Variants in CAST observed in about 807,000 individuals in gnomAD.
CAST encodes calpastatin.
Under a neutral mutation model 119.6 loss-of-function variants are expected in CAST, and 76 were observed. That is an observed-to-expected ratio of 0.64 (90% CI 0.53 to 0.77). The LOEUF (loss-of-function observed/expected upper bound fraction) is 0.77, where lower values mean the gene tolerates loss of function less well. Among genes scored for constraint, CAST ranks in the 30% least tolerant of loss-of-function variants. The pLI is 0.00. For missense variants in CAST, 953 were observed against 946.5 expected (o/e 1.01, Z -0.09); for synonymous variants, 319 against 331.6 (o/e 0.96, Z 0.41).
chr5:95,999,432 C>G, the CAST span, among the ~76,000 whole-genome samples: 70 of 152,262 alleles, frequency 4.6e-4, 1 homozygote, highest in South Asian at 0.014. Flanking sequence ...TCACTGCAAC[C>G]TCAAACTCCC....
chr5:96,095,410 G>GAA, the CAST span, among the ~76,000 whole-genome samples: 1 of 146,292 alleles, frequency 6.8e-6, no homozygotes, highest in East Asian at 2.0e-4. Flanking sequence ...GTTTCTATAA[G>GAA]AAAAAAAAAA....
At chr5:96,143,547 A>G in the CAST span, among the ~76,000 whole-genome samples, 2 of 152,250 alleles carry the variant, frequency 1.3e-5, no homozygotes, top group Non-Finnish European at 2.9e-5. Context: ...CCTTGAGGGC[A>G]GGACCCAGGG....
chr5:96,401,456 A>G, the CAST span, among the ~76,000 whole-genome samples: 1 of 152,224 alleles, frequency 6.6e-6, no homozygotes, highest in African/African-American at 2.4e-5. Context: ...GGGAGCTTAT[A>G]CTTTATCTTT....
chr5:96,282,588 T>C, the CAST span, among the ~76,000 whole-genome samples: 1 of 152,228 alleles, frequency 6.6e-6, no homozygotes, highest in Non-Finnish European at 1.5e-5. Context: ...AGGGTTTTTA[T>C]TTTTTATGAC....
the CAST span, among the ~76,000 whole-genome samples, chr5:95,975,262 G>C: frequency 6.6e-6 from 1 of 152,192 alleles, no homozygotes; most frequent in Non-Finnish European, 1.5e-5. Flanking sequence ...AGTAACAAGT[G>C]ATTTTATCTT....
the CAST span, among the ~76,000 whole-genome samples, chr5:96,271,891 G>A: frequency 5.3e-5 from 8 of 152,038 alleles, no homozygotes; most frequent in African/African-American, 1.9e-4. Flanking sequence ...GAATATATAA[G>A]CAGCATAAAC....
At chr5:96,487,118 G>GA in the CAST span, among the ~76,000 whole-genome samples, 6 of 151,478 alleles carry the variant, frequency 4.0e-5, no homozygotes, top group South Asian at 4.1e-4. Flanking sequence ...TGTAGTAGGG[G>GA]TCAGAAAAGA....
chr5:96,235,940 C>T, the CAST span, among the ~76,000 whole-genome samples: 1 of 152,212 alleles, frequency 6.6e-6, no homozygotes, highest in Non-Finnish European at 1.5e-5. Flanking sequence ...TTCCAGATCA[C>T]AAGGTCCCAG....
At chr5:96,024,198 A>G in the CAST span, among the ~76,000 whole-genome samples, 7 of 152,340 alleles carry the variant, frequency 4.6e-5, no homozygotes, top group Admixed American at 3.3e-4. Context: ...TTGTTATTTT[A>G]AAGAAAGAAT....
At chr5:96,305,826 T>C in the CAST span, among the ~76,000 whole-genome samples, 1 of 152,234 alleles carries the variant, frequency 6.6e-6, no homozygotes, top group African/African-American at 2.4e-5. Context: ...GTGGATAAGC[T>C]ATTTGATGTG....
chr5:96,337,770 C>A, the CAST span, among the ~76,000 whole-genome samples: 12 of 152,312 alleles, frequency 7.9e-5, 1 homozygote, highest in African/African-American at 2.9e-4. Flanking sequence ...CATTACAAAT[C>A]TGGACATCTT....
chr5:96,270,125 A>T, the CAST span, among the ~76,000 whole-genome samples: 3 of 152,162 alleles, frequency 2.0e-5, no homozygotes, highest in South Asian at 6.2e-4. Flanking sequence ...CATTAACAGA[A>T]CCTGGAACAA....
At chr5:96,164,486 C>G in the CAST span, among the ~76,000 whole-genome samples, 1 of 152,096 alleles carries the variant, frequency 6.6e-6, no homozygotes, top group Non-Finnish European at 1.5e-5. Flanking sequence ...ATAATGGAAC[C>G]CATAAGGAGT....
the CAST span, among the ~76,000 whole-genome samples, chr5:96,120,426 T>G: frequency 6.6e-6 from 1 of 152,082 alleles, no homozygotes; most frequent in Admixed American, 6.6e-5. Flanking sequence ...CTATCCTGTT[T>G]GCAAGTCTGG....
chr5:96,119,601 T>C, the CAST span, among the ~76,000 whole-genome samples: 96 of 152,304 alleles, frequency 6.3e-4, 1 homozygote, highest in African/African-American at 2.1e-3. Flanking sequence ...TTTTCACATA[T>C]ATATTTTCTG....
At chr5:96,275,010 G>A in the CAST span, among the ~76,000 whole-genome samples, 2 of 152,226 alleles carry the variant, frequency 1.3e-5, no homozygotes, top group Non-Finnish European at 2.9e-5. Flanking sequence ...AGGAAGGGGA[G>A]ATGAGGATCT....
chr5:96,166,683 G>T, the CAST span, among the ~76,000 whole-genome samples: 1 of 152,110 alleles, frequency 6.6e-6, no homozygotes, highest in East Asian at 1.9e-4. Context: ...ATCAATTGAA[G>T]CATAGCCTTG....
At chr5:96,089,213 C>G in the CAST span, among the ~76,000 whole-genome samples, 1 of 149,434 alleles carries the variant, frequency 6.7e-6, no homozygotes, top group Non-Finnish European at 1.5e-5. Flanking sequence ...GAATGCAACA[C>G]TGTTTTGTAA....
chr5:96,293,116 G>A, the CAST span, among the ~76,000 whole-genome samples: 1 of 152,156 alleles, frequency 6.6e-6, no homozygotes, highest in African/African-American at 2.4e-5. Flanking sequence ...CCATTCACAT[G>A]ATCTAGAATA....
Sources: gnomAD v4.1 joint callset for allele counts (sites outside exome capture counted in the v4.1 genomes callset) on GRCh38, gnomAD v4.1.1 for gene constraint, MANE v1.5 for transcripts, NCBI Gene and HGNC (gene_info 2026-07-23, HGNC 2026-07-21) for gene names.